ZNF750: variants seen among roughly 807,000 people sequenced by gnomAD.
ZNF750 encodes the protein zinc finger protein 750, also known as protein ZNF750.
ZNF750 carries 10 observed loss-of-function variants against 31.6 expected under a neutral mutation model. The observed-to-expected ratio is 0.32, with a 90% CI of 0.19 to 0.54. ZNF750 has a LOEUF of 0.54. Ranked by LOEUF, ZNF750 falls within the 20% of genes least tolerant of loss-of-function variation. The probability of loss-of-function intolerance (pLI) is 0.95; values close to 1 mark genes in which losing one functional copy is unlikely to be tolerated. For synonymous variants in ZNF750, 400 were observed against 404.9 expected, an observed-to-expected ratio of 0.99 and a Z score of 0.15; for missense variants, 914 against 934.9, an observed-to-expected ratio of 0.98 and a Z score of 0.29.
chr17:82,831,933 G>T lies in ZNF750; in HGVS notation c.522C>A (p.Asp174Glu), dbSNP rs200058922. 3.0e-5 allele frequency: 48 copies of T among 1,614,210 alleles called. No homozygotes were observed. The East Asian group carries it at 9.4e-4, about 31-fold the overall frequency. Residue 174 changes from aspartate (D) to glutamate (E), a missense_variant, in exon 2 of 3, where the codon GAC becomes GAA. By Grantham distance (45) the Asp-to-Glu change is conservative. Transcript: ENST00000269394. This position sits in a 1 kb window ranked among gnomAD's most constrained non-coding sequence, Gnocchi z 4.6. The part of the protein sequence containing the change: ...PVGEHRLKGP[D>E]NAEAPETLAL... ...CCAGTGTCTCGGGCGCCTCGGCGTT[G>T]TCTGGCCCCTTGAGTCTGTGCTCGC...
intron 1 of ZNF750, chr17:82,838,582 C>G (rs1001054555): frequency 8.9e-6 from 8 of 901,436 alleles, no homozygotes; most frequent in Non-Finnish European, 1.1e-5. Flanking sequence ...AAGGACACAC[C>G]ATTGTCGCCT....
At position 82,830,485 on chromosome 17, in the gene ZNF750, G is replaced by C. The variant is rs770687546; in HGVS notation, c.1829C>G (p.Pro610Arg). 3.7e-6 allele frequency: 6 copies of C among 1,613,346 alleles called. No homozygotes were observed. In the South Asian group the frequency reaches 6.6e-5, roughly 18 times the overall value. ...KPGSLDGDGA[P>R]PTGPGEEAPD... ...AGCCTCCTCGCCGGGGCCTGTGGGTGGGGCCCCGTCACCGTCGAGGCTGCC... is the reference window on the plus strand; with the variant it reads ...AGCCTCCTCGCCGGGGCCTGTGGGTCGGGCCCCGTCACCGTCGAGGCTGCC... Residue 610 changes from proline to arginine, a missense_variant, in exon 3 of 3, where the codon CCA (proline) becomes CGA (arginine). Around this residue, in one of 2 missense-constraint regions of ZNF750, gnomAD observed 880 missense variants for 868.9 expected, o/e 1.01. Transcript: ENST00000269394.
Position 82,831,506 on chromosome 17 carries a change from T to C in ZNF750, c.949A>G (p.Ile317Val). 1.2e-6 allele frequency: 2 copies of C among 1,614,090 alleles called. No individual in the cohort carries two copies. The highest frequency in any genetic ancestry group is 1.7e-6 in the Non-Finnish European group (2 of 1,180,018). ...FFQQYPSNLP[I>V]PYGFYRPESA... ...TCTGGCCTGTAAAATCCGTAAGGAATCGGCAGGTTAGAGGGATATTGCTGG... is the reference window on the plus strand; with the variant it reads ...TCTGGCCTGTAAAATCCGTAAGGAACCGGCAGGTTAGAGGGATATTGCTGG... Residue 317 changes from isoleucine (I) to valine (V), a missense_variant, in exon 2 of 3, where the codon ATT becomes GTT. Physicochemically the swap from Ile to Val is conservative, Grantham distance 29. This residue lies in a region of ZNF750 where 880 missense variants were observed against 868.9 expected (regional missense o/e 1.01). Coordinates refer to ENST00000269394, the MANE Select transcript of ZNF750 (RefSeq NM_024702.3). This position sits in a 1 kb window ranked among gnomAD's most constrained non-coding sequence, Gnocchi z 4.6.
rs1431386772 is a variant in ZNF750 at position 82,832,297 on chromosome 17, A to G, written c.158T>C (p.Ile53Thr). 6.2e-7 allele frequency: 1 copy of G among 1,614,204 alleles called. No homozygotes were observed. ...HMKYGLCKNS[I>T]TLVSEQDRVP... ...TCGATCCTGCTCTGATACTAAAGTA[A>G]TCGAGTTTTTACAAAGACCATACTT... The change falls in exon 2 of 3, where the codon ATT becomes ACT. Residue 53 changes from isoleucine to threonine, a missense_variant. Around this residue, in one of 2 missense-constraint regions of ZNF750, gnomAD observed 34 missense variants for 66.0 expected, o/e 0.52. Coordinates refer to ENST00000269394, the MANE Select transcript of ZNF750 (RefSeq NM_024702.3). The surrounding 1 kb of genome is among the most constrained non-coding windows in gnomAD (Gnocchi z 4.9).
chr17:82,830,336 C>T lies in ZNF750; in HGVS notation c.1978G>A (p.Glu660Lys). 6.2e-7 allele frequency: 1 copy of T among 1,613,926 alleles called. No homozygotes were observed. Among genetic ancestry groups the T allele is most frequent in the Non-Finnish European group, 8.5e-7 (1 of 1,180,040 alleles). Residue 660 changes from glutamate to lysine, a missense_variant, in exon 3 of 3, where the codon GAA (glutamate) becomes AAA (lysine). Around this residue, in one of 2 missense-constraint regions of ZNF750, gnomAD observed 880 missense variants for 868.9 expected, o/e 1.01. Transcript: ENST00000269394. ...RVGDGDAAAP[E>K]PACRQDTPTL... is the part of the protein sequence containing the mutation. Reference sequence around the variant, plus strand: ...GGTGTGTCTTGCCGGCAGGCAGGTTCCGGGGCCGCAGCATCCCCATCGCCC... The same window carrying T: ...GGTGTGTCTTGCCGGCAGGCAGGTTTCGGGGCCGCAGCATCCCCATCGCCC...
rs1256157090 is a variant in ZNF750 at position 82,835,990 on chromosome 17, C to G, written c.-182-3354G>C. On this transcript the variant is annotated intron_variant, in intron 1 of 2. Transcript: ENST00000269394. This position sits in a 1 kb window ranked among gnomAD's most constrained non-coding sequence, Gnocchi z 4.5. ...TGGGCTCAGACCCCGCGCTCAGCACCCGTCTCCCACCGTGGGCTGCCACAG... is the reference window on the plus strand; with the variant it reads ...TGGGCTCAGACCCCGCGCTCAGCACGCGTCTCCCACCGTGGGCTGCCACAG... 6.6e-6 allele frequency among the ~76,000 whole-genome samples: 1 copy of G among 152,160 alleles called. No individual in the cohort carries two copies. The highest frequency in any genetic ancestry group is 1.5e-5 in the Non-Finnish European group (1 of 68,032).
rs2053439178 is a variant in ZNF750, at chr17:82,830,862, G to A, written c.1452C>T (p.Asn484=). Residue 484 remains asparagine (N), a synonymous_variant, in exon 3 of 3, where the codon AAC becomes AAT. Transcript: ENST00000269394. ...AESPVSLNVV[N]GDPPAPTGSA... is the part of the protein sequence containing the mutation. The stretch of plus-strand genomic sequence containing the variant: ...TTCCGGTCGGAGCAGGAGGGTCTCC[G>A]TTCACAACATTGAGGCTAGAAGAAG... The A allele has an allele frequency of 1.9e-6, 3 of 1,612,774 alleles. No homozygotes were observed. Among genetic ancestry groups the A allele is most frequent in the South Asian group, 1.1e-5 (1 of 91,084 alleles).
chr17:82,838,416 CTA>C (rs1297152270), intron 1 of ZNF750, among the ~76,000 whole-genome samples: 1 of 152,132 alleles, frequency 6.6e-6, no homozygotes, highest in Non-Finnish European at 1.5e-5. Flanking sequence ...GGCTGGGTAA[CTA>C]TGCTTGTCAT....
At position 82,832,131 on chromosome 17, in the gene ZNF750, C is replaced by G. The variant is rs752120838; in HGVS notation, c.324G>C (p.Arg108Ser). 6.2e-7 allele frequency: 1 copy of G among 1,614,200 alleles called. No individual in the cohort carries two copies. The highest frequency in any genetic ancestry group is 8.5e-7 in the Non-Finnish European group (1 of 1,180,040). The change falls in exon 2 of 3, where the codon AGG becomes AGC. Residue 108 changes from arginine (R) to serine (S), a missense_variant. Physicochemically the swap from Arg to Ser is moderately radical, Grantham distance 110. Around this residue, in one of 2 missense-constraint regions of ZNF750, gnomAD observed 880 missense variants for 868.9 expected, o/e 1.01. Coordinates refer to ENST00000269394, the MANE Select transcript of ZNF750 (RefSeq NM_024702.3). This position sits in a 1 kb window ranked among gnomAD's most constrained non-coding sequence, Gnocchi z 4.9. ...FDSKLQHSSA[R>S]EDIKENLELQ... ...GCTCCAGGTTTTCCTTGATGTCTTCCCTGGCAGAGCTGTGCTGAAGCTTCG... is the reference window on the plus strand; with the variant it reads ...GCTCCAGGTTTTCCTTGATGTCTTCGCTGGCAGAGCTGTGCTGAAGCTTCG...
chr17:82,832,077 C>G lies in ZNF750; in HGVS notation c.378G>C (p.Leu126=), dbSNP rs539319902. ...CCCTGTGGAGGGCTGGCTTCTGTCC[C>G]AGGCACCTGTGGGTTCCCCGGGCTT... ...ELQARGTHRC[L]GQKPALHRAS... is the part of the protein sequence containing the mutation. The change falls in exon 2 of 3, where the codon CTG becomes CTC. Residue 126 remains leucine, a synonymous_variant. Coordinates refer to ENST00000269394, the MANE Select transcript of ZNF750 (RefSeq NM_024702.3). The surrounding 1 kb of genome is among the most constrained non-coding windows in gnomAD (Gnocchi z 4.9). 6.2e-7 allele frequency: 1 copy of G among 1,614,100 alleles called. No individual in the cohort carries two copies. Among genetic ancestry groups the G allele is most frequent in the East Asian group, 2.2e-5 (1 of 44,876 alleles).
chr17:82,830,283 C>T lies in ZNF750; in HGVS notation c.2031G>A (p.Glu677=), dbSNP rs768325752. 2 of 1,614,252 alleles carry T rather than the reference C, an allele frequency of 1.2e-6. No homozygotes were observed. The highest frequency in any genetic ancestry group is 2.2e-5 in the East Asian group (1 of 44,886). ...TPTLSSMESQ[E]AQCDLRPKGQ... is the part of the protein sequence containing the mutation. The stretch of plus-strand genomic sequence containing the variant: ...CTTTGGGTCTGAGGTCACACTGGGC[C>T]TCTTGGCTCTCCATGGAGCTCAGTG... The change falls in exon 3 of 3, where the codon GAG becomes GAA. Residue 677 remains glutamate, a synonymous_variant. Transcript: ENST00000269394.
intron 1 of ZNF750, among the ~76,000 whole-genome samples, chr17:82,839,640 A>G (rs1009704153): frequency 1.1e-4 from 16 of 152,226 alleles, no homozygotes; most frequent in Non-Finnish European, 2.1e-4. Flanking sequence ...AAGCAATAAT[A>G]TGAATTTGTG....
intron 1 of ZNF750, among the ~76,000 whole-genome samples, chr17:82,836,583 T>C (rs1245368383): frequency 6.6e-6 from 1 of 151,814 alleles, no homozygotes; most frequent in Non-Finnish European, 1.5e-5. Flanking sequence ...CTCTAGCGCC[T>C]GAAACACAAG....
Position 82,838,800 on chromosome 17 carries a change from G to C in ZNF750, c.-183+1127C>G, listed in dbSNP as rs541224103. 1.3e-5 allele frequency: 13 copies of C among 985,388 alleles called. No homozygotes were observed. In the East Asian group the frequency reaches 1.5e-3, roughly 112 times the overall value. 61.0% of individuals were successfully genotyped at this position (985,388 alleles called of 1,614,324 possible). On this transcript the variant is annotated intron_variant, in intron 1 of 2. Coordinates refer to ENST00000269394, the MANE Select transcript of ZNF750 (RefSeq NM_024702.3). The stretch of plus-strand genomic sequence containing the variant: ...AAACAACCAGGGGCTCTTAACTCTA[G>C]TTTCGGCAGGAGATCCCGAGTTACA...
chr17:82,834,782 C>G (rs2053826304), intron 1 of ZNF750, among the ~76,000 whole-genome samples: 1 of 152,136 alleles, frequency 6.6e-6, no homozygotes, highest in Non-Finnish European at 1.5e-5. Context: ...GGCTTAAAAC[C>G]TAGATGATCG....
In ZNF750 at chr17:82,831,726, C is replaced by T. The variant is rs1352165877; in HGVS notation, c.729G>A (p.Pro243=). 1.1e-5 allele frequency: 17 copies of T among 1,613,880 alleles called. No individual in the cohort carries two copies. Among genetic ancestry groups the T allele is most frequent in the South Asian group, 3.3e-5 (3 of 91,082 alleles). Residue 243 remains proline, a synonymous_variant, in exon 2 of 3, where the codon CCG becomes CCA. Transcript: ENST00000269394. This position sits in a 1 kb window ranked among gnomAD's most constrained non-coding sequence, Gnocchi z 4.6. ...PYMHPTIPEY[P]PHFYTEHGLA... The stretch of plus-strand genomic sequence containing the variant: ...GCCCGTGCTCTGTGTAAAAGTGAGG[C>T]GGGTACTCTGGGATTGTGGGGTGCA...
At position 82,831,584 on chromosome 17, in the gene ZNF750, T is replaced by C; in HGVS notation, c.871A>G (p.Ile291Val). 6.2e-7 allele frequency: 1 copy of C among 1,614,060 alleles called. No homozygotes were observed. The highest frequency in any genetic ancestry group is 8.5e-7 in the Non-Finnish European group (1 of 1,179,988). Reference sequence around the variant, plus strand: ...GGAGATGGAGCCAGGTGCTTAGGGATCGGCCCCGGGTGAGGCAGGAAGTGT... The same window carrying C: ...GGAGATGGAGCCAGGTGCTTAGGGACCGGCCCCGGGTGAGGCAGGAAGTGT... Reference protein sequence around the residue: ...PRHFLPHPGPIPKHLAPSPAT... With the variant: ...PRHFLPHPGPVPKHLAPSPAT... The change falls in exon 2 of 3, where the codon ATC (isoleucine) becomes GTC (valine). Residue 291 changes from isoleucine (I) to valine (V), a missense_variant. Coordinates refer to ENST00000269394, the MANE Select transcript of ZNF750 (RefSeq NM_024702.3). This position sits in a 1 kb window ranked among gnomAD's most constrained non-coding sequence, Gnocchi z 4.6.
In ZNF750 at chr17:82,832,537, G is replaced by T; in HGVS notation, c.-83C>A. ...GCGTGCACTTCGTGGTTTCTAAAGA[G>T]GCACCTCCCGCTTTGCTTTCTTTCC... is the stretch of plus-strand genomic sequence containing the variant. On this transcript the variant is annotated 5_prime_UTR_variant, in exon 2 of 3. Transcript: ENST00000269394. The surrounding 1 kb of genome is among the most constrained non-coding windows in gnomAD (Gnocchi z 4.9). 1 of 1,234,430 alleles carries T rather than the reference G, an allele frequency of 8.1e-7. No individual in the cohort carries two copies. The highest frequency in any genetic ancestry group is 1.2e-6 in the Non-Finnish European group (1 of 853,578). The allele number at this position is 1,234,430 out of a possible 1,614,324, so 76.5% of individuals were successfully genotyped here. A position where few individuals can be genotyped will look rare whatever the true frequency, so the allele number is the denominator to read the frequency against.
rs751924669 is a variant in ZNF750 at position 82,832,038 on chromosome 17, C to T, written c.417G>A (p.Lys139=). Residue 139 remains lysine (K), a synonymous_variant, in exon 2 of 3, where the codon AAG becomes AAA. Coordinates refer to ENST00000269394, the MANE Select transcript of ZNF750 (RefSeq NM_024702.3). This position sits in a 1 kb window ranked among gnomAD's most constrained non-coding sequence, Gnocchi z 4.9. ...CGAGGGCGGCTTCCGGAGCTGGGCTCTTGCAGGGTGATGCCCTGTGGAGGG... is the reference window on the plus strand; with the variant it reads ...CGAGGGCGGCTTCCGGAGCTGGGCTTTTGCAGGGTGATGCCCTGTGGAGGG... ...KPALHRASPC[K]SPAPEAALGA... 1.2e-6 allele frequency: 2 copies of T among 1,613,202 alleles called. No homozygotes were observed. The highest frequency in any genetic ancestry group is 3.3e-5 in the Admixed American group (2 of 59,994).
Sources: gnomAD v4.1 joint callset for allele counts (sites outside exome capture counted in the v4.1 genomes callset) on GRCh38, gnomAD v4.1.1 for gene constraint, gnomAD v4.1.1 regional missense constraint, Gnocchi (gnomAD v3.1) non-coding constraint, MANE v1.5 for transcripts, NCBI Gene and HGNC (gene_info 2026-07-23, HGNC 2026-07-21) for gene names.